The following METAP1D variants were observed in gnomAD, a reference collection of about 807,000 sequenced individuals.
METAP1D encodes methionine aminopeptidase 1D, mitochondrial.
A neutral mutation model predicts 40.5 loss-of-function variants in METAP1D; 31 were observed. The ratio of observed to expected loss-of-function variants is 0.77; its 90% confidence interval spans 0.58 to 1.03. The LOEUF is 1.03. Among genes scored for constraint, METAP1D ranks in the 50% least tolerant of loss-of-function variants. METAP1D has a pLI of 0.00. For synonymous variants in METAP1D, 151 were observed against 146.4 expected, an observed-to-expected ratio of 1.03 and a Z score of -0.22; for missense variants, 411 against 420.7, an observed-to-expected ratio of 0.98 and a Z score of 0.20.
chr2:172,079,033 C>T (rs1690624543), intron 7 of METAP1D, among the ~76,000 whole-genome samples, 182 bp from the exon 8 acceptor site: 1 of 152,160 alleles, frequency 6.6e-6, no homozygotes, highest in Non-Finnish European at 1.5e-5. Flanking sequence ...GACTCAGGCC[C>T]AGTAGCCCCG....
At chr2:172,033,377 G>A (rs1041693133) in intron 1 of METAP1D, among the ~76,000 whole-genome samples, 13 of 149,224 alleles carry the variant, frequency 8.7e-5, no homozygotes, top group Non-Finnish European at 1.8e-4. Context: ...TTTTTGAGAC[G>A]GAATCTCACT....
intron 1 of METAP1D, among the ~76,000 whole-genome samples, chr2:172,040,114 C>T (rs1475675105): frequency 2.7e-5 from 4 of 150,516 alleles, no homozygotes; most frequent in Non-Finnish European, 5.9e-5. Context: ...CTCGCCATCA[C>T]GCCCGGCTAA....
At chr2:172,047,715 G>A (rs115820793) in intron 1 of METAP1D, among the ~76,000 whole-genome samples, 1,525 of 152,322 alleles carry the variant, frequency 0.01, 34 homozygotes, top group African/African-American at 0.035. Context: ...GATTATAGGC[G>A]TGAGCCACTG....
At chr2:172,005,489 T>G (rs1243971764) in intron 1 of METAP1D, among the ~76,000 whole-genome samples, 1 of 147,982 alleles carries the variant, frequency 6.8e-6, no homozygotes, top group Non-Finnish European at 1.5e-5. Flanking sequence ...TTCCTTTTTA[T>G]GTCTGAGTAG....
chr2:172,041,332 A>ACG (rs1485743762), intron 1 of METAP1D, among the ~76,000 whole-genome samples: 7,745 of 102,776 alleles, frequency 0.075, 534 homozygotes, highest in Non-Finnish European at 0.12. Flanking sequence ...GGTGGTGTGC[A>ACG]CCTATAGTCC....
intron 1 of METAP1D, among the ~76,000 whole-genome samples, chr2:172,036,514 T>C (rs574001053): frequency 9.9e-4 from 149 of 150,424 alleles, no homozygotes; most frequent in African/African-American, 2.0e-3. Flanking sequence ...TACAGGCGCC[T>C]GCCACCACGC....
At chr2:172,012,250 C>G (rs975620743) in intron 1 of METAP1D, among the ~76,000 whole-genome samples, 2 of 152,316 alleles carry the variant, frequency 1.3e-5, no homozygotes, top group Middle Eastern at 3.4e-3. Flanking sequence ...TTTCAAAGGA[C>G]AACTCCTCTC....
At chr2:172,035,421 C>T (rs1689355549) in intron 1 of METAP1D, among the ~76,000 whole-genome samples, 3 of 152,278 alleles carry the variant, frequency 2.0e-5, no homozygotes, top group Admixed American at 2.0e-4. Context: ...GCCTCCGCCT[C>T]CCAAAGTGCT....
intron 1 of METAP1D, among the ~76,000 whole-genome samples, chr2:172,027,830 A>G (rs1055248220): frequency 9.2e-5 from 14 of 152,308 alleles, no homozygotes; most frequent in Middle Eastern, 6.8e-3. Context: ...TCATGTGACA[A>G]GTTCTTTTGG....
Position 172,042,586 on chromosome 2 carries a change from TATGTGTAC to T in METAP1D, c.41-18906_41-18899del, listed in dbSNP as rs1192910091. ...GTGCACATATATACATATATGTGTG[TATGTGTAC>T]ATGTGCACATATATACATATATGTG... is the stretch of plus-strand genomic sequence containing the variant. On this transcript the variant is annotated intron_variant, in intron 1 of 9. Transcript: ENST00000315796. 1.1e-4 allele frequency among the ~76,000 whole-genome samples: 6 copies of T among 52,652 alleles called. 3 individuals carry two copies. The highest frequency in any genetic ancestry group is 2.3e-4 in the Non-Finnish European group (6 of 25,932). The allele number at this position is 52,652 out of a possible 152,430, so 34.5% of individuals were successfully genotyped here.
chr2:172,047,590 C>T (rs557553459), intron 1 of METAP1D, among the ~76,000 whole-genome samples: 11 of 152,232 alleles, frequency 7.2e-5, no homozygotes, highest in Non-Finnish European at 8.8e-5. Context: ...CATGCCACCA[C>T]GCCTGGCTAA....
chr2:172,020,744 C>A (rs1276753962), intron 1 of METAP1D, among the ~76,000 whole-genome samples: 1 of 152,036 alleles, frequency 6.6e-6, no homozygotes, highest in Non-Finnish European at 1.5e-5. Context: ...TTTAGGGGAG[C>A]TTTCTTTTAT....
rs764762374 is a variant in METAP1D, at chr2:172,080,119, C to G, written c.851-9C>G. The G allele has an allele frequency of 6.2e-7, 1 of 1,611,302 alleles. No homozygotes were observed. Among genetic ancestry groups the G allele is most frequent in the African/African-American group, 1.3e-5 (1 of 74,832 alleles). Reference sequence around the variant, plus strand: ...GAGGTCACTGCAGTAAATATTTTTCCTCTTACAGAGCCAATCATCACGGAG... The same window carrying G: ...GAGGTCACTGCAGTAAATATTTTTCGTCTTACAGAGCCAATCATCACGGAG... On this transcript the variant is annotated splice_polypyrimidine_tract_variant and intron_variant, in intron 8 of 9. Transcript: ENST00000315796.
intron 1 of METAP1D, among the ~76,000 whole-genome samples, chr2:172,038,401 T>C (rs1035748875): frequency 3.3e-5 from 5 of 151,958 alleles, no homozygotes; most frequent in Non-Finnish European, 7.4e-5. Flanking sequence ...GCTTAGATCA[T>C]TGACTACCTG....
At chr2:172,028,009 G>C (rs1201400186) in intron 1 of METAP1D, among the ~76,000 whole-genome samples, 2 of 152,170 alleles carry the variant, frequency 1.3e-5, no homozygotes, top group African/African-American at 4.8e-5. Context: ...AGGTCCCCTG[G>C]TACTAGTGGG....
chr2:172,030,827 T>C lies in METAP1D; in HGVS notation c.41-30671T>C, dbSNP rs542185513. ...GTGAACCAGTTGTTAAAGAATGTCTTAATTCTACAGTTAAGCTCACTCACA... is the reference window on the plus strand; with the variant it reads ...GTGAACCAGTTGTTAAAGAATGTCTCAATTCTACAGTTAAGCTCACTCACA... On this transcript the variant is annotated intron_variant, in intron 1 of 9. Coordinates refer to ENST00000315796, the MANE Select transcript of METAP1D (RefSeq NM_199227.3). Among the ~76,000 whole-genome samples, 126 of 151,866 alleles carry C rather than the reference T, an allele frequency of 8.3e-4. 1 individual carries two copies. Among genetic ancestry groups the C allele is most frequent in the Middle Eastern group, 3.4e-3 (1 of 294 alleles).
Position 172,066,299 on chromosome 2 carries a change from A to G in METAP1D, c.533A>G (p.Asp178Gly), listed in dbSNP as rs143400777. 1.9e-6 allele frequency: 3 copies of G among 1,611,038 alleles called. No individual in the cohort carries two copies. The highest frequency in any genetic ancestry group is 2.5e-6 in the Non-Finnish European group (3 of 1,178,864). Reference sequence around the variant, plus strand: ...CAGGATGGAGATATTATCAACATTGATGTCACAGTGAGTAAATCATATAAA... The same window carrying G: ...CAGGATGGAGATATTATCAACATTGGTGTCACAGTGAGTAAATCATATAAA... ...PLQDGDIINIDVTVYYNGYHG... is the reference protein window; with the variant it reads ...PLQDGDIINIGVTVYYNGYHG... The change falls in exon 5 of 10, where the codon GAT becomes GGT. Residue 178 changes from aspartate (D) to glycine (G), a missense_variant. Coordinates refer to ENST00000315796, the MANE Select transcript of METAP1D (RefSeq NM_199227.3).
At chr2:172,001,123 TC>T (rs1335467561) in intron 1 of METAP1D, among the ~76,000 whole-genome samples, 13 of 152,094 alleles carry the variant, frequency 8.5e-5, no homozygotes, top group African/African-American at 2.9e-4. Context: ...GGCAGATTGC[TC>T]ATTTGAACAT....
At chr2:172,031,425 C>G (rs1374564043) in intron 1 of METAP1D, among the ~76,000 whole-genome samples, 2 of 151,962 alleles carry the variant, frequency 1.3e-5, no homozygotes, top group African/African-American at 4.8e-5. Context: ...GTGGGCAAAG[C>G]CTGTCCTTTA....
Sources: gnomAD v4.1 joint callset for allele counts (sites outside exome capture counted in the v4.1 genomes callset) on GRCh38, gnomAD v4.1.1 for gene constraint, MANE v1.5 for transcripts, NCBI Gene and HGNC (gene_info 2026-07-23, HGNC 2026-07-21) for gene names.